Variants in ST3GAL3 observed in about 807,000 individuals in gnomAD.
ST3GAL3 encodes CMP-N-acetylneuraminate-beta-1,4-galactoside alpha-2,3-sialyltransferase.
ST3GAL3 carries 21 observed loss-of-function variants against 50.1 expected under a neutral mutation model. The ratio of observed to expected loss-of-function variants is 0.42; its 90% CI spans 0.30 to 0.60. The LOEUF is 0.60. Among genes scored for constraint, ST3GAL3 ranks in the 20% least tolerant of loss-of-function variants. The pLI is 0.19. For synonymous variants in ST3GAL3, 183 were observed against 190.0 expected, an observed-to-expected ratio of 0.96 and a Z score of 0.30; for missense variants, 353 against 489.4, an observed-to-expected ratio of 0.72 and a Z score of 2.63.
At chr1:43,847,973 A>G (rs1574162910) in intron 5 of ST3GAL3, among the ~76,000 whole-genome samples, 1 of 152,146 alleles carries the variant, frequency 6.6e-6, no homozygotes, top group East Asian at 1.9e-4. Context: ...GGCAGGTCCG[A>G]TGACTGCGAA....
chr1:43,866,662 A>G (rs2071395284), intron 5 of ST3GAL3, among the ~76,000 whole-genome samples: 1 of 152,112 alleles, frequency 6.6e-6, no homozygotes, highest in African/African-American at 2.4e-5. Flanking sequence ...GAGGGAATAC[A>G]TAAACTGAGA....
At chr1:43,745,994 A>G (rs911058183) in intron 2 of ST3GAL3, among the ~76,000 whole-genome samples, 1 of 152,258 alleles carries the variant, frequency 6.6e-6, no homozygotes, top group Non-Finnish European at 1.5e-5. Flanking sequence ...GTACAATCAC[A>G]TTTCTAAATA....
At chr1:43,736,670 A>T in intron 2 of ST3GAL3, 1 of 496,200 alleles carries the variant, frequency 2.0e-6, no homozygotes, top group East Asian at 4.0e-5. Context: ...CTAGTTCTTG[A>T]ACGCTTTTGT....
Position 43,894,364 on chromosome 1 carries a change from C to T in ST3GAL3, c.303-19C>T, listed in dbSNP as rs959248196. 2 of 1,612,002 alleles carry T rather than the reference C, an allele frequency of 1.2e-6. No individual in the cohort carries two copies. Among genetic ancestry groups the T allele is most frequent in the Non-Finnish European group, 1.7e-6 (2 of 1,178,148 alleles). On this transcript the variant is annotated intron_variant, in intron 5 of 11. Coordinates refer to ENST00000347631, the MANE Select transcript of ST3GAL3 (RefSeq NM_006279.5). The stretch of plus-strand genomic sequence containing the variant: ...ACTGTTGCGTTTTTGTGATCCTCAG[C>T]AGTCCTGTTATATTCCAGGTTCTCC...
chr1:43,883,106 G>T (rs886841604), intron 5 of ST3GAL3, among the ~76,000 whole-genome samples: 2 of 152,030 alleles, frequency 1.3e-5, no homozygotes, highest in Non-Finnish European at 2.9e-5. Flanking sequence ...GGGACTACAG[G>T]CGTGCACTAC....
intron 2 of ST3GAL3, among the ~76,000 whole-genome samples, chr1:43,789,186 G>A (rs141136463): frequency 1.3e-5 from 2 of 152,304 alleles, no homozygotes; most frequent in East Asian, 3.9e-4. Flanking sequence ...GGAGAAATCA[G>A]TAGAAAGGAT....
chr1:43,850,032 T>A (rs1453644609), intron 5 of ST3GAL3, among the ~76,000 whole-genome samples: 1 of 152,260 alleles, frequency 6.6e-6, no homozygotes, highest in African/African-American at 2.4e-5. Context: ...ACAGTATTTT[T>A]ATTTTTCTAG....
chr1:43,898,800 C>T (rs1160703689), intron 7 of ST3GAL3, among the ~76,000 whole-genome samples: 2 of 152,156 alleles, frequency 1.3e-5, no homozygotes, highest in Admixed American at 6.5e-5. Flanking sequence ...GCCCCAAGCT[C>T]GGCCCACTTT....
At position 43,737,062 on chromosome 1, in the gene ST3GAL3, A is replaced by G. The variant is rs3791040; in HGVS notation, c.118+682A>G. 58,844 of 164,038 alleles carry G rather than the reference A, an allele frequency of 0.36. 11,839 individuals are homozygous for G. Among genetic ancestry groups the G allele is most frequent in the African/African-American group, 0.56 (23,163 of 41,504 alleles). The allele number at this position is 164,038 out of a possible 1,614,324, so 10.2% of individuals were successfully genotyped here. The stretch of plus-strand genomic sequence containing the variant: ...CTAGGCTTGCAGTTGAAGGGCTTAC[A>G]TTGATCAGCACCAGCCTTTGCACAT... On this transcript the variant is annotated intron_variant, in intron 2 of 11. Coordinates refer to ENST00000347631, the MANE Select transcript of ST3GAL3 (RefSeq NM_006279.5). This position sits in a 1 kb window ranked among gnomAD's most constrained non-coding sequence, Gnocchi z 4.0.
intron 11 of ST3GAL3, among the ~76,000 whole-genome samples, chr1:43,925,456 A>G (rs1164662490): frequency 6.6e-6 from 1 of 152,134 alleles, no homozygotes; most frequent in East Asian, 1.9e-4. Flanking sequence ...GATCATGTGT[A>G]AAAAAGGCCT....
At chr1:43,802,794 T>G (rs2059451674) in intron 3 of ST3GAL3, among the ~76,000 whole-genome samples, 1 of 152,244 alleles carries the variant, frequency 6.6e-6, no homozygotes, top group Admixed American at 6.5e-5. Context: ...CATTATCACT[T>G]CAAGGGAAAT....
Position 43,894,379 on chromosome 1 carries a change from C to A in ST3GAL3, c.303-4C>A. ...TGATCCTCAGCAGTCCTGTTATATT[C>A]CAGGTTCTCCAAGCCAGCACCCATG... On this transcript the variant is annotated splice_region_variant and splice_polypyrimidine_tract_variant and intron_variant, in intron 5 of 11. Coordinates refer to ENST00000347631, the MANE Select transcript of ST3GAL3 (RefSeq NM_006279.5). 1 of 1,614,024 alleles carries A rather than the reference C, an allele frequency of 6.2e-7. No individual in the cohort carries two copies. Among genetic ancestry groups the A allele is most frequent in the Non-Finnish European group, 8.5e-7 (1 of 1,179,896 alleles).
intron 1 of ST3GAL3, among the ~76,000 whole-genome samples, chr1:43,715,630 A>C (rs531478911): frequency 3.2e-4 from 49 of 152,074 alleles, no homozygotes; most frequent in Middle Eastern, 3.4e-3. Context: ...TCTCTTCAAA[A>C]AATTAAAAAA....
intron 6 of ST3GAL3, 128 bp from the exon 7 acceptor site, chr1:43,898,107 C>T (rs1433655901): frequency 1.0e-6 from 1 of 976,450 alleles, no homozygotes; most frequent in Non-Finnish European, 1.6e-6. Context: ...TCCTTGTGTC[C>T]AGAGCTCTCT....
intron 5 of ST3GAL3, among the ~76,000 whole-genome samples, chr1:43,864,866 G>A (rs2070902674): frequency 6.6e-6 from 1 of 152,118 alleles, no homozygotes; most frequent in Non-Finnish European, 1.5e-5. Flanking sequence ...GAAACACAGG[G>A]AGAAGAGCAC....
At chr1:43,762,464 T>C (rs888866820) in intron 2 of ST3GAL3, among the ~76,000 whole-genome samples, 2 of 152,112 alleles carry the variant, frequency 1.3e-5, no homozygotes, top group Admixed American at 1.3e-4. Flanking sequence ...ACAATACTTT[T>C]AATCTTCCCC....
At chr1:43,919,932 G>A (rs1302728948) in intron 9 of ST3GAL3, 5 of 243,250 alleles carry the variant, frequency 2.1e-5, no homozygotes, top group African/African-American at 6.7e-5. Flanking sequence ...CATTTTTCAG[G>A]TCCACTCTAG....
chr1:43,792,879 C>T (rs544599052), intron 3 of ST3GAL3, among the ~76,000 whole-genome samples: 10 of 152,314 alleles, frequency 6.6e-5, no homozygotes, highest in Admixed American at 3.3e-4. Flanking sequence ...CCTATGGGAG[C>T]CTCAGAATGA....
chr1:43,885,099 A>G (rs1218733622), intron 5 of ST3GAL3, among the ~76,000 whole-genome samples: 1 of 152,206 alleles, frequency 6.6e-6, no homozygotes, highest in Non-Finnish European at 1.5e-5. Flanking sequence ...TTGAGCATTA[A>G]GTGAGCTGGA....
Sources: gnomAD v4.1 joint callset for allele counts (sites outside exome capture counted in the v4.1 genomes callset) on GRCh38, gnomAD v4.1.1 for gene constraint, Gnocchi (gnomAD v3.1) non-coding constraint, MANE v1.5 for transcripts, NCBI Gene and HGNC (gene_info 2026-07-23, HGNC 2026-07-21) for gene names.